The following TENM3 variants were observed in gnomAD, a reference collection of about 807,000 sequenced individuals.
TENM3 encodes the protein teneurin transmembrane protein 3.
A neutral mutation model predicts 255.1 loss-of-function variants in TENM3; 63 were observed. The ratio of observed to expected loss-of-function variants is 0.25; its 90% CI spans 0.20 to 0.30. TENM3 has a LOEUF of 0.30. Among genes scored for constraint, TENM3 ranks in the 10% least tolerant of loss-of-function variants. The probability of loss-of-function intolerance (pLI) is 1.00; values close to 1 mark genes in which losing one functional copy is unlikely to be tolerated. For synonymous variants in TENM3, 1,306 were observed against 1,322.3 expected, an observed-to-expected ratio of 0.99 and a Z score of 0.27; for missense variants, 2,929 against 3,461.1, an observed-to-expected ratio of 0.85 and a Z score of 3.86.
chr4:181,844,172 C>T, the TENM3 span, among the ~76,000 whole-genome samples: 3 of 152,094 alleles, frequency 2.0e-5, no homozygotes, highest in African/African-American at 7.2e-5. Flanking sequence ...AGGCCATTAA[C>T]CCATTCATGG....
At chr4:182,773,422 A>AATATAG (rs1332809090) in intron 22 of TENM3, 50 bp from the exon 23 acceptor site, 1 of 1,484,142 alleles carries the variant, frequency 6.7e-7, no homozygotes, top group Non-Finnish European at 9.1e-7. Context: ...ATAAGTCAGA[A>AATATAG]GAAACTGCAG....
At chr4:181,670,087 A>G in the TENM3 span, among the ~76,000 whole-genome samples, 14 of 152,246 alleles carry the variant, frequency 9.2e-5, no homozygotes, top group African/African-American at 3.4e-4. Flanking sequence ...AAAATGTAGA[A>G]GATAAACAGC....
At position 182,792,435 on chromosome 4, in the gene TENM3, C is replaced by T. The variant is rs764221618; in HGVS notation, c.5763C>T (p.Asn1921=). 2.5e-5 allele frequency: 40 copies of T among 1,613,914 alleles called. 1 individual carries two copies. In the South Asian group the frequency reaches 2.5e-4, roughly 10 times the overall value. The change falls in exon 26 of 28, where the codon AAC becomes AAT. Residue 1921 remains asparagine (N), a synonymous_variant. Coordinates refer to ENST00000511685, the MANE Select transcript of TENM3 (RefSeq NM_001080477.4). The surrounding 1 kb of genome is among the most constrained non-coding windows in gnomAD (Gnocchi z 6.3). ...YRNIYNPPES[N]ASIITDYNEE... ...ACATATACAACCCCCCGGAAAGCAA[C>T]GCCTCCATCATCACGGACTACAACG...
the TENM3 span, among the ~76,000 whole-genome samples, chr4:181,563,282 T>C: frequency 2.0e-5 from 3 of 152,310 alleles, no homozygotes; most frequent in South Asian, 4.1e-4. Flanking sequence ...ATCTTCACCA[T>C]TTCTCGGCTT....
At chr4:181,600,155 T>C in the TENM3 span, among the ~76,000 whole-genome samples, 1 of 152,238 alleles carries the variant, frequency 6.6e-6, no homozygotes, top group Admixed American at 6.5e-5. Flanking sequence ...TTGTTCCTTA[T>C]TGTTGTGATT....
intron 3 of TENM3, among the ~76,000 whole-genome samples, chr4:182,513,500 GAAA>G (rs537847412): frequency 7.5e-6 from 1 of 133,620 alleles, no homozygotes; most frequent in Non-Finnish European, 1.6e-5. Flanking sequence ...GATCCTGAAT[GAAA>G]AAAAAAAAAA....
intron 1 of TENM3, among the ~76,000 whole-genome samples, chr4:182,251,295 C>A (rs1350818365): frequency 6.6e-6 from 1 of 152,118 alleles, no homozygotes; most frequent in African/African-American, 2.4e-5. Context: ...CATAGCGAGA[C>A]CCTGTCTCTA....
chr4:182,298,176 A>G (rs1310863843), intron 1 of TENM3, among the ~76,000 whole-genome samples: 1 of 152,152 alleles, frequency 6.6e-6, no homozygotes, highest in Non-Finnish European at 1.5e-5. Flanking sequence ...TTGATTATTT[A>G]TTTTGTTGTC....
chr4:181,712,596 G>T, the TENM3 span, among the ~76,000 whole-genome samples: 1 of 152,124 alleles, frequency 6.6e-6, no homozygotes, highest in Admixed American at 6.5e-5. Context: ...AGCAATGAGA[G>T]AATAAACTAA....
chr4:182,771,629 T>C (rs1048069487), intron 22 of TENM3, among the ~76,000 whole-genome samples: 1 of 152,240 alleles, frequency 6.6e-6, no homozygotes, highest in Non-Finnish European at 1.5e-5. Flanking sequence ...GCAAGACTTA[T>C]GCCAAACTGA....
chr4:181,617,361 G>A, the TENM3 span, among the ~76,000 whole-genome samples: 19,869 of 152,160 alleles, frequency 0.13, 1,424 homozygotes, highest in South Asian at 0.18. Context: ...GTAACTATAC[G>A]GGGTGATGTG....
the TENM3 span, among the ~76,000 whole-genome samples, chr4:181,493,296 T>TAA: frequency 1.1e-4 from 14 of 124,354 alleles, no homozygotes; most frequent in Admixed American, 2.4e-4. Flanking sequence ...AACCAGTCTC[T>TAA]AAAAAAAAAA....
rs1351233943 is a variant in TENM3, at chr4:182,754,601, T to A, written c.4234T>A (p.Tyr1412Asn). Residue 1412 changes from tyrosine (Y) to asparagine (N), a missense_variant, in exon 22 of 28, where the codon TAC (tyrosine) becomes AAC (asparagine). This residue lies in a region of TENM3 where 1,608 missense variants were observed against 1,884.4 expected (regional missense o/e 0.85). Coordinates refer to ENST00000511685, the MANE Select transcript of TENM3 (RefSeq NM_001080477.4). This position sits in a 1 kb window ranked among gnomAD's most constrained non-coding sequence, Gnocchi z 5.1. ...LESATAIAVS[Y>N]SGVLYITETD... ...ATCAGCCACTGCCATTGCTGTGTCCTACAGTGGGGTCCTGTACATTACTGA... is the reference window on the plus strand; with the variant it reads ...ATCAGCCACTGCCATTGCTGTGTCCAACAGTGGGGTCCTGTACATTACTGA... 1 of 1,614,002 alleles carries A rather than the reference T, an allele frequency of 6.2e-7. No homozygotes were observed. Among genetic ancestry groups the A allele is most frequent in the Non-Finnish European group, 8.5e-7 (1 of 1,179,884 alleles).
intron 3 of TENM3, among the ~76,000 whole-genome samples, chr4:182,501,415 C>G (rs977955421): frequency 2.0e-5 from 3 of 150,990 alleles, no homozygotes; most frequent in Admixed American, 6.6e-5. Flanking sequence ...TACATGACAT[C>G]TTAGGTATAT....
chr4:181,484,622 G>A, the TENM3 span, among the ~76,000 whole-genome samples: 1 of 152,148 alleles, frequency 6.6e-6, no homozygotes, highest in Non-Finnish European at 1.5e-5. Context: ...TAACCTTACA[G>A]TAAGTGTTTA....
At chr4:182,495,714 A>G (rs1424503013) in intron 3 of TENM3, among the ~76,000 whole-genome samples, 1 of 152,212 alleles carries the variant, frequency 6.6e-6, no homozygotes, top group Non-Finnish European at 1.5e-5. Flanking sequence ...TTTTATGTGT[A>G]TTGGCCTTCA....
At chr4:181,734,203 T>C in the TENM3 span, among the ~76,000 whole-genome samples, 1 of 152,098 alleles carries the variant, frequency 6.6e-6, no homozygotes, top group Non-Finnish European at 1.5e-5. Context: ...AAGAGGTAAA[T>C]GTGAAGACTG....
chr4:181,639,148 G>C, the TENM3 span, among the ~76,000 whole-genome samples: 1 of 152,114 alleles, frequency 6.6e-6, no homozygotes, highest in African/African-American at 2.4e-5. Context: ...TCTGGACTCT[G>C]CTTGGATATC....
chr4:181,525,396 C>CAAAA, the TENM3 span, among the ~76,000 whole-genome samples: 353 of 97,286 alleles, frequency 3.6e-3, 3 homozygotes, highest in African/African-American at 0.012. Flanking sequence ...GACCCTGTTT[C>CAAAA]AAAAAAAAAA....
Sources: gnomAD v4.1 joint callset for allele counts (sites outside exome capture counted in the v4.1 genomes callset) on GRCh38, gnomAD v4.1.1 for gene constraint, gnomAD v4.1.1 regional missense constraint, Gnocchi (gnomAD v3.1) non-coding constraint, MANE v1.5 for transcripts, NCBI Gene and HGNC (gene_info 2026-07-23, HGNC 2026-07-21) for gene names.